The following PNISR variants were observed in gnomAD, a reference collection of about 807,000 sequenced individuals.
The protein encoded by PNISR is PNN interacting serine and arginine rich protein, also known as arginine/serine-rich protein PNISR.
A neutral mutation model predicts 93.4 loss-of-function variants in PNISR; 20 were observed. That is an observed-to-expected ratio of 0.21 (90% CI 0.15 to 0.31). The LOEUF is 0.31. PNISR is among the 10% of genes least tolerant of loss of function. PNISR has a pLI of 1.00. For synonymous variants in PNISR, 305 were observed against 306.5 expected, an observed-to-expected ratio of 0.99 and a Z score of 0.05; for missense variants, 893 against 985.4, an observed-to-expected ratio of 0.91 and a Z score of 1.25.
intron 2 of PNISR, chr6:99,415,645 G>A (rs771637286): frequency 5.9e-5 from 9 of 152,092 alleles, no homozygotes; most frequent in Non-Finnish European, 1.3e-4. Context: ...CATAACCAGG[G>A]CATGGTTTCT....
rs952431850 is a variant in PNISR, at chr6:99,411,057, C to T, written c.278-93G>A. ...ATCTCAAGAAAGATTTTTCAGTAAA[C>T]ATACAGATTTAAAAAACAACTTATG... On this transcript the variant is annotated intron_variant, in intron 4 of 11. Transcript: ENST00000369239. 4 of 926,540 alleles carry T rather than the reference C, an allele frequency of 4.3e-6. No individual in the cohort carries two copies. The African/African-American group carries it at 6.6e-5, about 15-fold the overall frequency. 57.4% of individuals were successfully genotyped at this position (926,540 alleles called of 1,614,324 possible).
intron 7 of PNISR, among the ~76,000 whole-genome samples, chr6:99,407,338 CA>C (rs67886910): frequency 1.0e-3 from 127 of 122,054 alleles, no homozygotes; most frequent in Middle Eastern, 4.9e-3. Context: ...CCTAAAAAGA[CA>C]AAAAAAAAAA....
At chr6:99,412,420 T>C (rs915982533) in intron 4 of PNISR, 131 bp downstream of exon 4, 17 of 739,430 alleles carry the variant, frequency 2.3e-5, no homozygotes, top group Admixed American at 1.2e-4. Context: ...TCAAATCAAA[T>C]TGAAAACTGC....
intron 6 of PNISR, 130 bp from the exon 7 acceptor site, chr6:99,408,401 G>GT: frequency 7.9e-6 from 5 of 633,592 alleles, no homozygotes; most frequent in Non-Finnish European, 1.1e-5. Context: ...AGTAACAGCA[G>GT]GGACCACTGC....
rs1210148371 is a variant in PNISR at position 99,401,310 on chromosome 6, A to C, written c.1648T>G (p.Ser550Ala). The change falls in exon 12 of 12, where the codon TCT becomes GCT. Residue 550 changes from serine to alanine, a missense_variant. This residue lies in a region of PNISR where 866 missense variants were observed against 935.1 expected (regional missense o/e 0.93). Coordinates refer to ENST00000369239, the MANE Select transcript of PNISR (RefSeq NM_032870.4). Reference protein sequence around the residue: ...SGSSRTSSRSSSPKRKKRHSR... With the variant: ...SGSSRTSSRSASPKRKKRHSR... ...TGTCTCTTTTTCCTTTTAGGAGAAG[A>C]AGACCGAGAAGAAGTACGACTACTA... 6.2e-7 allele frequency: 1 copy of C among 1,614,126 alleles called. No homozygotes were observed. The highest frequency in any genetic ancestry group is 1.1e-5 in the South Asian group (1 of 91,080).
At chr6:99,408,403 G>T in intron 6 of PNISR, 132 bp from the exon 7 acceptor site, 1 of 629,742 alleles carries the variant, frequency 1.6e-6, no homozygotes, top group Non-Finnish European at 2.8e-6. Context: ...TAACAGCAGG[G>T]ACCACTGCTC....
At position 99,402,613 on chromosome 6, in the gene PNISR, T is replaced by G; in HGVS notation, c.1254A>C (p.Arg418=). The stretch of plus-strand genomic sequence containing the variant: ...AAAAAGCTTCCTGTTTTTGCCGGAT[T>G]CGATGCCGTAATTCTTCATCATCAG... ...SDTDDEELRH[R]IRQKQEAFWR... is the part of the protein sequence containing the mutation. The change falls in exon 11 of 12, where the codon CGA becomes CGC. Residue 418 remains arginine (R), a synonymous_variant. Coordinates refer to ENST00000369239, the MANE Select transcript of PNISR (RefSeq NM_032870.4). 6.2e-7 allele frequency: 1 copy of G among 1,613,802 alleles called. No individual in the cohort carries two copies. Among genetic ancestry groups the G allele is most frequent in the South Asian group, 1.1e-5 (1 of 91,058 alleles).
At chr6:99,406,278 T>C (rs2128482252) in intron 7 of PNISR, 110 bp from the exon 8 acceptor site, 2 of 544,110 alleles carry the variant, frequency 3.7e-6, no homozygotes, top group East Asian at 6.4e-5. Flanking sequence ...GAAACAGAAA[T>C]ATGAGTGAAA....
intron 1 of PNISR, among the ~76,000 whole-genome samples, chr6:99,421,313 C>T (rs1778519553): frequency 6.6e-6 from 1 of 152,190 alleles, no homozygotes; most frequent in Admixed American, 6.5e-5. Flanking sequence ...CAAGTGATAG[C>T]TATCACCAGT....
At chr6:99,410,567 C>T (rs1776781655) in intron 5 of PNISR, 174 bp downstream of exon 5, 1 of 533,610 alleles carries the variant, frequency 1.9e-6, no homozygotes, top group Admixed American at 3.3e-5. Context: ...ATAAAAAAAT[C>T]AGAAAACAAA....
At chr6:99,412,871 T>C (rs9321539) in intron 3 of PNISR, 132 bp from the exon 4 acceptor site, 267,559 of 525,292 alleles carry the variant, frequency 0.51, 69,596 homozygotes, top group East Asian at 0.72. Flanking sequence ...TGAGGGAAAT[T>C]AGAAAAATTT....
rs138898398 is a variant in PNISR at position 99,419,190 on chromosome 6, AG to A, written c.-111-2763del. 2.9e-4 allele frequency among the ~76,000 whole-genome samples: 15 copies of A among 51,930 alleles called. 6 individuals carry two copies. Among genetic ancestry groups the A allele is most frequent in the Admixed American group, 3.8e-4 (2 of 5,322 alleles). The allele number at this position is 51,930 out of a possible 152,430, so 34.1% of individuals were successfully genotyped here. ...AAAAAAAAAAAAAAAAAAAAAAAAA[AG>A]GGCAATTTACCATTATGGCATCTTA... On this transcript the variant is annotated intron_variant, in intron 1 of 11. Transcript: ENST00000369239.
At chr6:99,404,245 T>G in intron 9 of PNISR, 1 of 369,508 alleles carries the variant, frequency 2.7e-6, no homozygotes, top group Non-Finnish European at 5.0e-6. Flanking sequence ...CTAAAAATTG[T>G]AGGTAGATAA....
chr6:99,408,968 T>C (rs1490056801), intron 6 of PNISR, among the ~76,000 whole-genome samples: 2 of 152,226 alleles, frequency 1.3e-5, no homozygotes, highest in Non-Finnish European at 2.9e-5. Flanking sequence ...GAATTTAATG[T>C]AAAGGTTTAA....
At position 99,416,242 on chromosome 6, in the gene PNISR, T is replaced by C. The variant is rs921676261; in HGVS notation, c.-32+107A>G. 4.1e-4 allele frequency: 164 copies of C among 402,346 alleles called. 1 individual carries two copies. Among genetic ancestry groups the C allele is most frequent in the African/African-American group, 3.0e-3 (146 of 48,604 alleles). 24.9% of individuals were successfully genotyped at this position (402,346 alleles called of 1,614,324 possible). ...GCCTTTAGACTCCTTTAAGGCTAAA[T>C]AGGTTATCAGAGCCCTTGAAAAGTA... On this transcript the variant is annotated intron_variant, in intron 2 of 11. Transcript: ENST00000369239.
intron 5 of PNISR, 57 bp downstream of exon 5, chr6:99,410,684 T>A: frequency 7.8e-7 from 1 of 1,279,322 alleles, no homozygotes; most frequent in Non-Finnish European, 1.1e-6. Flanking sequence ...ATGAGACACT[T>A]CCAAAGAATG....
intron 1 of PNISR, among the ~76,000 whole-genome samples, chr6:99,418,826 T>C (rs2128493863): frequency 6.6e-6 from 1 of 152,158 alleles, no homozygotes; most frequent in African/African-American, 2.4e-5. Context: ...AGGGCACAGG[T>C]GGAACACCAA....
At position 99,400,892 on chromosome 6, in the gene PNISR, T is replaced by G; in HGVS notation, c.2066A>C (p.Asp689Ala). Residue 689 changes from aspartate to alanine, a missense_variant, in exon 12 of 12, where the codon GAT becomes GCT. Asp to Ala is a moderately radical substitution (Grantham distance 126). Transcript: ENST00000369239. ...CCTTTTTTGTTTCTCTTTTCTTTTA[T>G]CCTGTTCACGTTCCCTTTCTTTGTC... ...KKDKEREREQ[D>A]KRKEKQKREE... The G allele has an allele frequency of 6.3e-7, 1 of 1,578,974 alleles. No homozygotes were observed.
In PNISR at chr6:99,400,920, T is replaced by C. The variant is rs1398758166; in HGVS notation, c.2038A>G (p.Lys680Glu). The change falls in exon 12 of 12, where the codon AAA (lysine) becomes GAA (glutamate). Residue 680 changes from lysine (K) to glutamate (E), a missense_variant. Physicochemically the swap from Lys to Glu is moderately conservative, Grantham distance 56. This residue lies in a region of PNISR where 866 missense variants were observed against 935.1 expected (regional missense o/e 0.93). Coordinates refer to ENST00000369239, the MANE Select transcript of PNISR (RefSeq NM_032870.4). ...SRSIDKDRKK[K>E]DKEREREQDK... Reference sequence around the variant, plus strand: ...TGTTCACGTTCCCTTTCTTTGTCTTTCTTTTTCCTATCTTTATCTATACTT... The same window carrying C: ...TGTTCACGTTCCCTTTCTTTGTCTTCCTTTTTCCTATCTTTATCTATACTT... The C allele has an allele frequency of 1.3e-6, 2 of 1,576,126 alleles. No individual in the cohort carries two copies. Among genetic ancestry groups the C allele is most frequent in the Non-Finnish European group, 1.7e-6 (2 of 1,148,048 alleles).
Sources: allele counts gnomAD v4.1 joint callset (sites outside exome capture counted in the v4.1 genomes callset), GRCh38; gene constraint gnomAD v4.1.1; regional missense constraint gnomAD v4.1.1; transcripts MANE v1.5; gene names NCBI Gene and HGNC (gene_info 2026-07-23, HGNC 2026-07-21).